Variants in TTN observed in about 807,000 individuals in gnomAD.
The protein encoded by TTN is connectin.
In TTN, 1,525 loss-of-function variants were observed where a neutral mutation model predicts 3,223.0. That is an observed-to-expected ratio of 0.47 (90% CI 0.45 to 0.49). The LOEUF is 0.49. TTN is among the 20% of genes least tolerant of loss of function. The pLI, the probability that TTN is intolerant of heterozygous loss-of-function variation, is 0.00. For missense variants in TTN, 40,786 were observed against 43,424.0 expected, an observed-to-expected ratio of 0.94 and a Z score of 5.40; for synonymous variants, 14,094 against 15,161.0, an observed-to-expected ratio of 0.93 and a Z score of 5.17.
chr2:178,612,573 G>T lies in TTN; in HGVS notation c.49952C>A (p.Pro16651His). The change falls in exon 266 of 363, where the codon CCT becomes CAT. Residue 16651 changes from proline (P) to histidine (H), a missense_variant. Transcript: ENST00000589042. ...DPVLCREKLY[P>H]PSPPRWLEVI... The stretch of plus-strand genomic sequence containing the variant: ...TTCAAGCCAGCGTGGTGGTGATGGA[G>T]GATCTGAAAAAGAAGGAAGGAAAAC... 6.2e-7 allele frequency: 1 copy of T among 1,600,802 alleles called. No homozygotes were observed. The highest frequency in any genetic ancestry group is 1.1e-5 in the South Asian group (1 of 87,696).
In TTN at chr2:178,729,452, T is replaced by C. The variant is rs2079993234; in HGVS notation, c.18704A>G (p.Asn6235Ser). The C allele has an allele frequency of 1.2e-6, 2 of 1,613,552 alleles. No homozygotes were observed. The highest frequency in any genetic ancestry group is 1.7e-6 in the Non-Finnish European group (2 of 1,179,652). ...TPPFEVTWLK[N>S]NREIRSSKKY... is the part of the protein sequence containing the mutation. ...TTTGCTGCTTCGAATTTCCCTGTTA[T>C]TCTTCAGCCAAGTGACTTCAAACGG... Residue 6235 changes from asparagine (N) to serine (S), a missense_variant, in exon 64 of 363, where the codon AAT becomes AGT. Asn to Ser is a conservative substitution (Grantham distance 46, BLOSUM62 1). Transcript: ENST00000589042.
At position 178,684,056 on chromosome 2, in the gene TTN, G is replaced by T. The variant is rs753455426; in HGVS notation, c.32749C>A (p.Pro10917Thr). 5 of 1,611,064 alleles carry T rather than the reference G, an allele frequency of 3.1e-6. No individual in the cohort carries two copies. The highest frequency in any genetic ancestry group is 4.2e-6 in the Non-Finnish European group (5 of 1,178,708). Residue 10917 changes from proline to threonine, a missense_variant, in exon 133 of 363, where the codon CCA becomes ACA. Physicochemically the swap from Pro to Thr is conservative, Grantham distance 38. Transcript: ENST00000589042. The stretch of plus-strand genomic sequence containing the variant: ...TTGAGTTTCAGAACTTTTTCTTCTG[G>T]GACAGCTCTCTTCGGTTCCTCTGGC... ...RVPEEPKRAV[P>T]EEKVLKLKPK...
At chr2:178,728,851 G>C in intron 65 of TTN, 40 bp downstream of exon 65, 1 of 1,572,322 alleles carries the variant, frequency 6.4e-7, no homozygotes, top group Non-Finnish European at 8.6e-7. Context: ...TAATGAAACT[G>C]TCGCTATAGA....
rs72648911 is a variant in TTN at position 178,746,953 on chromosome 2, G to A, written c.11312-5032C>T. Reference sequence around the variant, plus strand: ...CTGAACCCCTCTCTTCTGTAGGTGTGTAGAAATGCTCATTTGGTGTACCGT... The same window carrying A: ...CTGAACCCCTCTCTTCTGTAGGTGTATAGAAATGCTCATTTGGTGTACCGT... On this transcript the variant is annotated intron_variant, in intron 47 of 362. Coordinates refer to ENST00000589042, the MANE Select transcript of TTN (RefSeq NM_001267550.2). 8.0e-3 allele frequency: 12,898 copies of A among 1,613,488 alleles called. 944 individuals are homozygous for A. In the African/African-American group the frequency reaches 0.15, roughly 19 times the overall value.
rs1313703882 is a variant in TTN, at chr2:178,560,404, A to T, written c.85728T>A (p.Ser28576Arg). The change falls in exon 326 of 363, where the codon AGT (serine) becomes AGA (arginine). Residue 28576 changes from serine (S) to arginine (R), a missense_variant. Transcript: ENST00000589042. ...ATCCAGATATTTCACTACCTCCATCACTCTCGGGTCTTGACCAGCAAAGTG... is the reference window on the plus strand; with the variant it reads ...ATCCAGATATTTCACTACCTCCATCTCTCTCGGGTCTTGACCAGCAAAGTG... ...SMTLCWSRPE[S>R]DGGSEISGYI... The T allele has an allele frequency of 6.2e-7, 1 of 1,613,064 alleles. No homozygotes were observed. The highest frequency in any genetic ancestry group is 8.5e-7 in the Non-Finnish European group (1 of 1,179,684).
rs777309739 is a variant in TTN at position 178,705,302 on chromosome 2, G to T, written c.29476C>A (p.Leu9826Ile). 27 of 1,611,632 alleles carry T rather than the reference G, an allele frequency of 1.7e-5. No homozygotes were observed. Among genetic ancestry groups the T allele is most frequent in the Non-Finnish European group, 2.3e-5 (27 of 1,179,042 alleles). The change falls in exon 103 of 363, where the codon CTT becomes ATT. Residue 9826 changes from leucine (L) to isoleucine (I), a missense_variant. By Grantham distance (5) the Leu-to-Ile change is conservative. Coordinates refer to ENST00000589042, the MANE Select transcript of TTN (RefSeq NM_001267550.2). The stretch of plus-strand genomic sequence containing the variant: ...TCTTTAGGATCAACATTTTTGAGAA[G>T]TTCCATGATATCAATTTCCTCTTCT... Reference protein sequence around the residue: ...GEEEEIDIMELLKNVDPKEYE... With the variant: ...GEEEEIDIMEILKNVDPKEYE...
chr2:178,688,302 G>T, intron 126 of TTN, 78 bp from the exon 127 acceptor site: 1 of 1,249,014 alleles, frequency 8.0e-7, no homozygotes, highest in Non-Finnish European at 1.2e-6. Context: ...CACTACAGAT[G>T]GATAACTGTT....
Position 178,712,909 on chromosome 2 carries a change from G to C in TTN, c.27116C>G (p.Thr9039Arg). Reference protein sequence around the residue: ...DVLTGTNVTFTSIVKGTPPFS... With the variant: ...DVLTGTNVTFRSIVKGTPPFS... The stretch of plus-strand genomic sequence containing the variant: ...AGGAGGTGTTCCTTTTACGATACTT[G>C]TGAAAGTTACATTGGTCCCAGTTAA... Residue 9039 changes from threonine to arginine, a missense_variant, in exon 94 of 363, where the codon ACA (threonine) becomes AGA (arginine). Physicochemically the swap from Thr to Arg is moderately conservative, Grantham distance 71. Transcript: ENST00000589042. 1 of 1,613,292 alleles carries C rather than the reference G, an allele frequency of 6.2e-7. No homozygotes were observed. The highest frequency in any genetic ancestry group is 8.5e-7 in the Non-Finnish European group (1 of 1,179,574).
chr2:178,707,082 G>A (rs367864967), intron 100 of TTN, 128 bp from the exon 101 acceptor site: 1 of 758,454 alleles, frequency 1.3e-6, no homozygotes, highest in Non-Finnish European at 2.1e-6. Context: ...CTCTTTCTAT[G>A]TAAGGGTGGG....
In TTN at chr2:178,722,312, G is replaced by A. The variant is rs745460696; in HGVS notation, c.22475C>T (p.Ser7492Leu). 3 of 1,611,938 alleles carry A rather than the reference G, an allele frequency of 1.9e-6. No individual in the cohort carries two copies. Among genetic ancestry groups the A allele is most frequent in the Non-Finnish European group, 2.5e-6 (3 of 1,178,826 alleles). Residue 7492 changes from serine (S) to leucine (L), a missense_variant, in exon 77 of 363, where the codon TCA (serine) becomes TTA (leucine). Physicochemically the swap from Ser to Leu is moderately radical, Grantham distance 145. Transcript: ENST00000589042. ...TGCTGTTCCAAGTGGGTTGGAAGCTGAGCAAGAGTACTGGCCAGAGTGACT... is the reference window on the plus strand; with the variant it reads ...TGCTGTTCCAAGTGGGTTGGAAGCTAAGCAAGAGTACTGGCCAGAGTGACT... Reference protein sequence around the residue: ...DLSHSGQYSCSASNPLGTASS... With the variant: ...DLSHSGQYSCLASNPLGTASS...
Position 178,669,668 on chromosome 2 carries a change from T to A in TTN, c.35394A>T (p.Glu11798Asp). ...CTTCTGGGACAATTTTCTTGGGTAC[T>A]TCGGGTGCTTTAAAGATATTTATTT... ...EPRVPPTKAP[E>D]VPKKIVPEEK... Residue 11798 changes from glutamate (E) to aspartate (D), a missense_variant, in exon 158 of 363, where the codon GAA becomes GAT. Physicochemically the swap from Glu to Asp is conservative, Grantham distance 45 (BLOSUM62 2). Transcript: ENST00000589042. 1 of 1,612,146 alleles carries A rather than the reference T, an allele frequency of 6.2e-7. No homozygotes were observed. Among genetic ancestry groups the A allele is most frequent in the Non-Finnish European group, 8.5e-7 (1 of 1,179,440 alleles).
Position 178,733,710 on chromosome 2 carries a change from T to C in TTN, c.15679A>G (p.Ile5227Val), listed in dbSNP as rs2080946599. The C allele has an allele frequency of 6.2e-7, 1 of 1,613,762 alleles. No individual in the cohort carries two copies. The highest frequency in any genetic ancestry group is 1.3e-5 in the African/African-American group (1 of 74,924). Residue 5227 changes from isoleucine to valine, a missense_variant, in exon 53 of 363, where the codon ATC becomes GTC. Transcript: ENST00000589042. ...CCAAAACTAATCTGAACATCAGGGATTATCAAGACTGCAACACCATTGGAA... is the reference window on the plus strand; with the variant it reads ...CCAAAACTAATCTGAACATCAGGGACTATCAAGACTGCAACACCATTGGAA... The part of the protein sequence containing the change: ...SFSNGVAVLI[I>V]PDVQISFGGK...
rs878904723 is a variant in TTN, at chr2:178,567,297, C to A, written c.78835G>T (p.Val26279Leu). 1.6e-5 allele frequency: 26 copies of A among 1,606,922 alleles called. No individual in the cohort carries two copies. Among genetic ancestry groups the A allele is most frequent in the African/African-American group, 2.7e-5 (2 of 74,550 alleles). ...GGTCTATCTAATACTTTTACATTTA[C>A]TGGGAATGACTTAGAACCTGCAACA... ...SNVAGSKSFPVNVKVLDRPGP... is the reference protein window; with the variant it reads ...SNVAGSKSFPLNVKVLDRPGP... The change falls in exon 326 of 363, where the codon GTA (valine) becomes TTA (leucine). Residue 26279 changes from valine to leucine, a missense_variant. Val to Leu is a conservative substitution (Grantham distance 32). Coordinates refer to ENST00000589042, the MANE Select transcript of TTN (RefSeq NM_001267550.2).
chr2:178,781,101 G>A lies in TTN; in HGVS notation c.3523+20C>T. On this transcript the variant is annotated intron_variant, in intron 21 of 362. Coordinates refer to ENST00000589042, the MANE Select transcript of TTN (RefSeq NM_001267550.2). The stretch of plus-strand genomic sequence containing the variant: ...TATTTCAGTTCTTATCATGCACATA[G>A]AAACTGGAGTTGCACTTACCTTCTT... 6.2e-7 allele frequency: 1 copy of A among 1,613,788 alleles called. No individual in the cohort carries two copies. Among genetic ancestry groups the A allele is most frequent in the Non-Finnish European group, 8.5e-7 (1 of 1,179,842 alleles).
rs201474544 is a variant in TTN, at chr2:178,662,368, G to A, written c.37009C>T (p.Pro12337Ser). Residue 12337 changes from proline (P) to serine (S), a missense_variant, in exon 177 of 363, where the codon CCC (proline) becomes TCC (serine). By Grantham distance (74) the Pro-to-Ser change is moderately conservative. Transcript: ENST00000589042. ...ATEKEIPVAP[P>S]KKPEAPIVPV... is the part of the protein sequence containing the mutation. Reference sequence around the variant, plus strand: ...ACAATTGGAGCTTCTGGTTTTTTGGGTGGAGCCACGGGAATTTCTTTTTCT... The same window carrying A: ...ACAATTGGAGCTTCTGGTTTTTTGGATGGAGCCACGGGAATTTCTTTTTCT... 31,515 of 1,481,876 alleles carry A rather than the reference G, an allele frequency of 0.021. 5,485 individuals carry two copies. The highest frequency in any genetic ancestry group is 0.025 in the Non-Finnish European group (27,586 of 1,124,988). 91.8% of individuals were successfully genotyped at this position (1,481,876 alleles called of 1,614,324 possible).
In TTN at chr2:178,771,282, T is replaced by C. The variant is rs764471581; in HGVS notation, c.8045A>G (p.Lys2682Arg). Residue 2682 changes from lysine to arginine, a missense_variant, in exon 34 of 363, where the codon AAA becomes AGA. By Grantham distance (26) the Lys-to-Arg change is conservative. Transcript: ENST00000589042. ...HKRRLIIAAT[K>R]LDDIGEYTYK... ...GGTATATTCTCCAATGTCATCTAAT[T>C]TGGTGGCAGCAATGATAAGTCTCCT... The C allele has an allele frequency of 1.9e-6, 3 of 1,614,116 alleles. No individual in the cohort carries two copies. Among genetic ancestry groups the C allele is most frequent in the Middle Eastern group, 1.7e-4 (1 of 6,058 alleles).
At chr2:178,622,828 C>T (rs973983139) in intron 242 of TTN, 61 bp from the exon 243 acceptor site, 13 of 1,221,806 alleles carry the variant, frequency 1.1e-5, no homozygotes, top group Middle Eastern at 1.9e-4. Context: ...CTGACATTAC[C>T]ATAGTATACA....
At chr2:178,585,439 A>G in intron 308 of TTN, 92 bp from the exon 309 acceptor site, 1 of 1,389,180 alleles carries the variant, frequency 7.2e-7, no homozygotes, top group Non-Finnish European at 9.7e-7. Flanking sequence ...TGCTTGTATT[A>G]CCACCAATTT....
chr2:178,651,842 A>G (rs2063037534), intron 205 of TTN, 42 bp downstream of exon 205: 1 of 1,600,430 alleles, frequency 6.2e-7, no homozygotes, highest in Non-Finnish European at 8.5e-7. Context: ...CAGGAAGGGG[A>G]AAGAGTGGCC....
Sources: allele counts gnomAD v4.1 joint callset, GRCh38; gene constraint gnomAD v4.1.1; transcripts MANE v1.5; gene names NCBI Gene and HGNC (gene_info 2026-07-23, HGNC 2026-07-21).